The following EVPLL variants were observed in gnomAD, a reference collection of about 807,000 sequenced individuals.
The protein encoded by EVPLL is envoplakin-like protein.
A neutral mutation model predicts 46.2 loss-of-function variants in EVPLL; 39 were observed. The observed-to-expected ratio is 0.84, with a 90% CI of 0.65 to 1.10. The LOEUF (loss-of-function observed/expected upper bound fraction) is 1.10, where lower values mean the gene tolerates loss of function less well. Among genes scored for constraint, EVPLL ranks in the 50% least tolerant of loss-of-function variants. The pLI, the probability that EVPLL is intolerant of heterozygous loss-of-function variation, is 0.00. For missense variants in EVPLL, 385 were observed against 412.6 expected (o/e 0.93, Z 0.58); for synonymous variants, 156 against 165.8 (o/e 0.94, Z 0.46).
At chr17:18,380,766 A>G (rs866096047) in intron 1 of EVPLL, 136 bp from the exon 2 acceptor site, 2 of 717,380 alleles carry the variant, frequency 2.8e-6, no homozygotes, top group Middle Eastern at 5.1e-4. Context: ...TCCTGCAGAG[A>G]GAGACCCCAA....
chr17:18,381,650 G>A lies in EVPLL; in HGVS notation c.266G>A (p.Cys89Tyr). ...GTGACCCAGGAGTGTGCGGAGTACT[G>A]TGCCCTGTACGAGAAGATGGTGCTG... ...ERVTQECAEY[C>Y]ALYEKMVLPP... is the part of the protein sequence containing the mutation. Residue 89 changes from cysteine to tyrosine, a missense_variant, in exon 4 of 11, where the codon TGT (cysteine) becomes TAT (tyrosine). Coordinates refer to ENST00000399134, the MANE Select transcript of EVPLL (RefSeq NM_001145127.2). The surrounding 1 kb of genome is among the most constrained non-coding windows in gnomAD (Gnocchi z 4.2). 1 of 1,614,194 alleles carries A rather than the reference G, an allele frequency of 6.2e-7. No homozygotes were observed.
chr17:18,387,231 T>A (rs960932849), intron 9 of EVPLL, among the ~76,000 whole-genome samples: 2 of 151,660 alleles, frequency 1.3e-5, no homozygotes, highest in Admixed American at 6.6e-5. Context: ...TTTGTATAAT[T>A]TTTTTGTTTA....
At chr17:18,380,141 T>C (rs1987512604) in intron 1 of EVPLL, 1 of 152,280 alleles carries the variant, frequency 6.6e-6, no homozygotes, top group Admixed American at 6.5e-5. Flanking sequence ...TGCCCTCTTT[T>C]AGGTCTGCTT....
rs1598094810 is a variant in EVPLL at position 18,380,989 on chromosome 17, A to G, written c.52A>G (p.Arg18Gly). 6.3e-7 allele frequency: 1 copy of G among 1,589,442 alleles called. No individual in the cohort carries two copies. Among genetic ancestry groups the G allele is most frequent in the Non-Finnish European group, 8.6e-7 (1 of 1,168,760 alleles). Residue 18 changes from arginine to glycine, a missense_variant, in exon 2 of 11, where the codon AGG (arginine) becomes GGG (glycine). Coordinates refer to ENST00000399134, the MANE Select transcript of EVPLL (RefSeq NM_001145127.2). Reference sequence around the variant, plus strand: ...GCGGGACATCCTGGAGACGCAGAAGAGGCTGCAGCAGGTGAGAACCCGGCA... The same window carrying G: ...GCGGGACATCCTGGAGACGCAGAAGGGGCTGCAGCAGGTGAGAACCCGGCA... ...VERDILETQK[R>G]LQQDRLNSEQ... is the part of the protein sequence containing the mutation.
intron 8 of EVPLL, 55 bp downstream of exon 8, chr17:18,383,433 G>C (rs867154096): frequency 1.3e-6 from 2 of 1,542,278 alleles, no homozygotes; most frequent in Non-Finnish European, 1.8e-6. Flanking sequence ...GGGAAGGGGG[G>C]GGTGGACGTG....
At position 18,381,649 on chromosome 17, in the gene EVPLL, T is replaced by C. The variant is rs1598095607; in HGVS notation, c.265T>C (p.Cys89Arg). 4.3e-6 allele frequency: 7 copies of C among 1,614,202 alleles called. No individual in the cohort carries two copies. Among genetic ancestry groups the C allele is most frequent in the South Asian group, 1.1e-5 (1 of 91,086 alleles). The change falls in exon 4 of 11, where the codon TGT becomes CGT. Residue 89 changes from cysteine to arginine, a missense_variant. Coordinates refer to ENST00000399134, the MANE Select transcript of EVPLL (RefSeq NM_001145127.2). This position sits in a 1 kb window ranked among gnomAD's most constrained non-coding sequence, Gnocchi z 4.2. ...GGTGACCCAGGAGTGTGCGGAGTAC[T>C]GTGCCCTGTACGAGAAGATGGTGCT... ...ERVTQECAEY[C>R]ALYEKMVLPP...
Position 18,382,831 on chromosome 17 carries a change from C to T in EVPLL, c.478C>T (p.Arg160Cys), listed in dbSNP as rs749394403. 2 of 1,613,244 alleles carry T rather than the reference C, an allele frequency of 1.2e-6. No homozygotes were observed. Among genetic ancestry groups the T allele is most frequent in the South Asian group, 1.1e-5 (1 of 90,952 alleles). Reference protein sequence around the residue: ...AAAEPGGAGCRHHPEPIPRPT... With the variant: ...AAAEPGGAGCCHHPEPIPRPT... ...TCTCCCCTTGGTCAAGGCAGGATGC[C>T]GCCACCATCCGGAGCCAATACCGAG... The change falls in exon 6 of 11, where the codon CGC becomes TGC. Residue 160 changes from arginine to cysteine, a missense_variant. Physicochemically the swap from Arg to Cys is radical, Grantham distance 180. Coordinates refer to ENST00000399134, the MANE Select transcript of EVPLL (RefSeq NM_001145127.2).
chr17:18,383,342 G>A lies in EVPLL; in HGVS notation c.744G>A (p.Met248Ile), dbSNP rs983748392. 4 of 1,604,894 alleles carry A rather than the reference G, an allele frequency of 2.5e-6. No homozygotes were observed. The South Asian group carries it at 3.4e-5, about 13-fold the overall frequency. The change falls in exon 8 of 11, where the codon ATG becomes ATA. Residue 248 changes from methionine (M) to isoleucine (I), a missense_variant. Coordinates refer to ENST00000399134, the MANE Select transcript of EVPLL (RefSeq NM_001145127.2). ...VNQLEEDGKR[M>I]VELRHPAVGP... The stretch of plus-strand genomic sequence containing the variant: ...AGCTGGAGGAGGACGGCAAGCGCAT[G>A]GTGGAGCTGCGGCACCCCGCGGTGG...
At chr17:18,382,439 G>T in intron 4 of EVPLL, 74 bp from the exon 5 acceptor site, 1 of 1,535,518 alleles carries the variant, frequency 6.5e-7, no homozygotes, top group Non-Finnish European at 8.8e-7. Context: ...CCACTTCTCC[G>T]GGTGGGAGAC....
In EVPLL at chr17:18,381,122, G is replaced by C; in HGVS notation, c.63+122G>C. 3 of 1,301,018 alleles carry C rather than the reference G, an allele frequency of 2.3e-6. No individual in the cohort carries two copies. The highest frequency in any genetic ancestry group is 3.2e-6 in the Non-Finnish European group (3 of 933,588). The allele number at this position is 1,301,018 out of a possible 1,614,324, so 80.6% of individuals were successfully genotyped here. A position where few individuals can be genotyped will look rare whatever the true frequency, so the allele number is the denominator to read the frequency against. On this transcript the variant is annotated intron_variant, in intron 2 of 10. Transcript: ENST00000399134. The surrounding 1 kb of genome is among the most constrained non-coding windows in gnomAD (Gnocchi z 4.2). ...GGTGAAGATGGGACAGATGACATTT[G>C]TCCTGCACCGCCTGTCCCCTAACAC...
chr17:18,388,117 A>C, intron 9 of EVPLL, 102 bp from the exon 10 acceptor site: 1 of 595,630 alleles, frequency 1.7e-6, no homozygotes, highest in Non-Finnish European at 2.8e-6. Context: ...CCTTTAATTA[A>C]TCACAGCCAA....
In EVPLL at chr17:18,381,569, C is replaced by T. The variant is rs746593880; in HGVS notation, c.219-34C>T. 2.6e-5 allele frequency: 42 copies of T among 1,613,654 alleles called. No homozygotes were observed. Among genetic ancestry groups the T allele is most frequent in the Non-Finnish European group, 3.5e-5 (41 of 1,179,892 alleles). ...TGGGGGTCCCTGGGGAAGACCCAGG[C>T]CCAGCCCTGACCTGCTGGCCACCTT... On this transcript the variant is annotated intron_variant, in intron 3 of 10. Coordinates refer to ENST00000399134, the MANE Select transcript of EVPLL (RefSeq NM_001145127.2). This position sits in a 1 kb window ranked among gnomAD's most constrained non-coding sequence, Gnocchi z 4.2.
chr17:18,389,417 G>C lies in EVPLL; in HGVS notation c.*601G>C, dbSNP rs1987877071. The C allele has an allele frequency of 9.2e-6, 1 of 109,052 alleles. No homozygotes were observed. The highest frequency in any genetic ancestry group is 9.2e-5 in the Admixed American group (1 of 10,842). 6.8% of individuals were successfully genotyped at this position (109,052 alleles called of 1,614,324 possible). On this transcript the variant is annotated 3_prime_UTR_variant, in exon 11 of 11. Coordinates refer to ENST00000399134, the MANE Select transcript of EVPLL (RefSeq NM_001145127.2). ...CAGGCATGGAGGTCTGTCCACTACT[G>C]GGCTTCTGGGCTATTTGCCCCTGAT...
chr17:18,386,387 A>T (rs946662554), intron 9 of EVPLL: 8 of 151,308 alleles, frequency 5.3e-5, no homozygotes, highest in African/African-American at 1.7e-4. Flanking sequence ...GGACATCAAC[A>T]TAGGAATTTC....
At chr17:18,385,821 A>G (rs1344129202) in intron 9 of EVPLL, among the ~76,000 whole-genome samples, 1 of 152,220 alleles carries the variant, frequency 6.6e-6, no homozygotes, top group Non-Finnish European at 1.5e-5. Flanking sequence ...AAGCATTTAC[A>G]CAGTAAGATA....
Position 18,389,053 on chromosome 17 carries a change from T to G in EVPLL, c.*237T>G, listed in dbSNP as rs551906591. 2.9e-5 allele frequency: 3 copies of G among 103,452 alleles called. No individual in the cohort carries two copies. In the East Asian group the frequency reaches 6.2e-4, roughly 22 times the overall value. 6.4% of individuals were successfully genotyped at this position (103,452 alleles called of 1,614,324 possible). On this transcript the variant is annotated 3_prime_UTR_variant, in exon 11 of 11. Coordinates refer to ENST00000399134, the MANE Select transcript of EVPLL (RefSeq NM_001145127.2). ...ACCTCATGCCACCTGCTGTAGCCAC[T>G]GGGCTCAGCCCTGGAGCTGAGAGCA...
chr17:18,382,637 C>G lies in EVPLL; in HGVS notation c.471C>G (p.Ala157=). 6.5e-7 allele frequency: 1 copy of G among 1,549,812 alleles called. No homozygotes were observed. The highest frequency in any genetic ancestry group is 8.7e-7 in the Non-Finnish European group (1 of 1,145,932). The change falls in exon 5 of 11, where the codon GCC becomes GCG. Residue 157 remains alanine, a splice_region_variant and synonymous_variant. Coordinates refer to ENST00000399134, the MANE Select transcript of EVPLL (RefSeq NM_001145127.2). ...PRRAAAEPGG[A]GCRHHPEPIP... is the part of the protein sequence containing the mutation. ...GAGCAGCTGCGGAGCCTGGTGGGGCCGGTGGGTGAGCCGGGAAGATGTTAC... is the reference window on the plus strand; with the variant it reads ...GAGCAGCTGCGGAGCCTGGTGGGGCGGGTGGGTGAGCCGGGAAGATGTTAC...
In EVPLL at chr17:18,381,365, A is replaced by G; in HGVS notation, c.64-2A>G. 6.4e-7 allele frequency: 1 copy of G among 1,554,292 alleles called. No individual in the cohort carries two copies. The highest frequency in any genetic ancestry group is 8.7e-7 in the Non-Finnish European group (1 of 1,148,370). On this transcript the variant is annotated splice_acceptor_variant, in intron 2 of 10. Coordinates refer to ENST00000399134, the MANE Select transcript of EVPLL (RefSeq NM_001145127.2). LOFTEE classifies it high-confidence loss of function. This position sits in a 1 kb window ranked among gnomAD's most constrained non-coding sequence, Gnocchi z 4.2. ...GCAAGTCTGCCCATCCCCTGCCCAC[A>G]GGACCGGCTGAACAGTGAGCAGAGC...
chr17:18,381,666 G>A lies in EVPLL; in HGVS notation c.282G>A (p.Lys94=). 2 of 1,614,210 alleles carry A rather than the reference G, an allele frequency of 1.2e-6. No individual in the cohort carries two copies. Among genetic ancestry groups the A allele is most frequent in the South Asian group, 1.1e-5 (1 of 91,080 alleles). ...ECAEYCALYE[K]MVLPPRRGIQ... is the part of the protein sequence containing the mutation. ...CGGAGTACTGTGCCCTGTACGAGAAGATGGTGCTGCCGCCCCGACGTGGGA... is the reference window on the plus strand; with the variant it reads ...CGGAGTACTGTGCCCTGTACGAGAAAATGGTGCTGCCGCCCCGACGTGGGA... Residue 94 remains lysine, a synonymous_variant, in exon 4 of 11, where the codon AAG becomes AAA. Coordinates refer to ENST00000399134, the MANE Select transcript of EVPLL (RefSeq NM_001145127.2). The surrounding 1 kb of genome is among the most constrained non-coding windows in gnomAD (Gnocchi z 4.2).
Sources: gnomAD v4.1 joint callset for allele counts (sites outside exome capture counted in the v4.1 genomes callset) on GRCh38, gnomAD v4.1.1 for gene constraint, Gnocchi (gnomAD v3.1) non-coding constraint, MANE v1.5 for transcripts, NCBI Gene and HGNC (gene_info 2026-07-23, HGNC 2026-07-21) for gene names.